TRMT11: variants seen among roughly 807,000 people sequenced by gnomAD.
TRMT11 encodes tRNA methyltransferase 11, also known as tRNA (guanine(10)-N(2))-methyltransferase TRMT11.
TRMT11 carries 53 observed loss-of-function variants against 62.8 expected under a neutral mutation model. The ratio of observed to expected loss-of-function variants is 0.84; its 90% CI spans 0.68 to 1.06. TRMT11 has a LOEUF of 1.06. Among genes scored for constraint, TRMT11 ranks in the 50% least tolerant of loss-of-function variants. TRMT11 has a pLI of 0.00. For missense variants in TRMT11, 556 were observed against 553.4 expected, an observed-to-expected ratio of 1.00 and a Z score of -0.05; for synonymous variants, 188 against 190.3, an observed-to-expected ratio of 0.99 and a Z score of 0.10.
intron 21 of TRMT11, among the ~76,000 whole-genome samples, chr6:126,164,600 A>G (rs1778236121): frequency 1.3e-5 from 2 of 152,142 alleles, no homozygotes; most frequent in South Asian, 4.1e-4. Context: ...CTATTATTGT[A>G]TGCGAGTTGA....
intron 17 of TRMT11, among the ~76,000 whole-genome samples, chr6:126,076,173 C>G (rs1448127571): frequency 6.6e-6 from 1 of 152,136 alleles, no homozygotes. Flanking sequence ...TGTCTTCTAT[C>G]TTTTCTAGTA....
chr6:126,208,584 A>G (rs1356378015), downstream of TRMT11, among the ~76,000 whole-genome samples: 1 of 152,250 alleles, frequency 6.6e-6, no homozygotes, highest in Non-Finnish European at 1.5e-5. Context: ...ACAAAAGGAT[A>G]GATGAAAGGA....
chr6:126,135,190 T>C (rs966723342), intron 21 of TRMT11, among the ~76,000 whole-genome samples: 13 of 151,210 alleles, frequency 8.6e-5, no homozygotes, highest in African/African-American at 3.2e-4. Context: ...ATACAAAATA[T>C]TAACAAAATT....
intron 12 of TRMT11, among the ~76,000 whole-genome samples, chr6:126,037,564 T>C (rs1412565680): frequency 6.6e-6 from 1 of 152,070 alleles, no homozygotes; most frequent in Non-Finnish European, 1.5e-5. Flanking sequence ...TAGCTACCTA[T>C]TTCTCTTTGA....
chr6:126,151,834 C>CTTTCTTTCTTTG (rs1562334763), intron 21 of TRMT11, among the ~76,000 whole-genome samples: 6 of 121,160 alleles, frequency 5.0e-5, no homozygotes, highest in African/African-American at 2.1e-4. Context: ...TTCTTTCTTT[C>CTTTCTTTCTTTG]TTTCTTTCTT....
At chr6:126,191,113 C>G (rs1778593841) in intron 1 of TRMT11, among the ~76,000 whole-genome samples, 2 of 151,772 alleles carry the variant, frequency 1.3e-5, no homozygotes, top group South Asian at 4.2e-4. Flanking sequence ...ATTTTTTTTG[C>G]CTTTTTGATA....
chr6:126,099,575 C>T (rs548902942), intron 17 of TRMT11, among the ~76,000 whole-genome samples: 1 of 152,216 alleles, frequency 6.6e-6, no homozygotes, highest in East Asian at 1.9e-4. Context: ...GGTGAAATCC[C>T]ATCTCTACTA....
intron 1 of TRMT11, among the ~76,000 whole-genome samples, chr6:126,195,090 T>G (rs1347340362): frequency 6.6e-6 from 1 of 152,204 alleles, no homozygotes; most frequent in African/African-American, 2.4e-5. Flanking sequence ...TATTCTAGCC[T>G]GGGAGGCAGA....
the TRMT11 span, chr6:126,258,178 G>A: frequency 2.8e-6 from 2 of 714,210 alleles, no homozygotes; most frequent in Non-Finnish European, 5.3e-6. Context: ...GTAGCTCCTT[G>A]TGGTAATACT....
At chr6:126,044,772 G>A (rs1036402462) in intron 16 of TRMT11, among the ~76,000 whole-genome samples, 38 of 152,116 alleles carry the variant, frequency 2.5e-4, no homozygotes, top group Admixed American at 2.2e-3. Context: ...AAAAGATTGG[G>A]TTCCCTAAGC....
chr6:126,057,432 G>A (rs893651572), intron 17 of TRMT11, among the ~76,000 whole-genome samples: 2 of 152,206 alleles, frequency 1.3e-5, no homozygotes, highest in Admixed American at 1.3e-4. Context: ...GATTGTATTA[G>A]CTGCCCTATT....
At chr6:126,250,044 A>G in the TRMT11 span, among the ~76,000 whole-genome samples, 1 of 152,092 alleles carries the variant, frequency 6.6e-6, no homozygotes, top group African/African-American at 2.4e-5. Context: ...ACTTTGTTAC[A>G]CTCTTCGTTA....
In TRMT11 at chr6:125,986,581, C is replaced by T. The variant is rs1562224191; in HGVS notation, c.31C>T (p.Leu11=). ...GCTGTCGTGTACCCTTAACAGGTAT[C>T]TGCTCCTCATGGCGCAGGAGCATCT... MALSCTLNRY[L]LLMAQEHLEF... is the part of the protein sequence containing the mutation. The change falls in exon 1 of 13, where the codon CTG becomes TTG. Residue 11 remains leucine, a synonymous_variant. Transcript: ENST00000334379. The T allele has an allele frequency of 6.3e-7, 1 of 1,591,186 alleles. No homozygotes were observed. The highest frequency in any genetic ancestry group is 1.8e-5 in the Admixed American group (1 of 56,286).
the TRMT11 span, among the ~76,000 whole-genome samples, chr6:126,226,420 T>C: frequency 1.3e-5 from 2 of 152,212 alleles, no homozygotes; most frequent in African/African-American, 4.8e-5. Context: ...ATGAATATTT[T>C]GTAAATATTA....
intron 21 of TRMT11, among the ~76,000 whole-genome samples, chr6:126,138,889 C>A (rs536324537): frequency 1.3e-5 from 2 of 151,826 alleles, no homozygotes; most frequent in East Asian, 3.9e-4. Context: ...AAATTATATA[C>A]CTAGATATGT....
intron 12 of TRMT11, among the ~76,000 whole-genome samples, chr6:126,029,213 T>G (rs2128032895): frequency 6.6e-6 from 1 of 152,320 alleles, no homozygotes. Flanking sequence ...CTTTCCACTT[T>G]ATGATCTTCT....
At chr6:126,265,571 CT>C in the TRMT11 span, among the ~76,000 whole-genome samples, 1 of 151,768 alleles carries the variant, frequency 6.6e-6, no homozygotes, top group South Asian at 2.1e-4. Flanking sequence ...TTCATGTAAA[CT>C]TTTACCATAT....
chr6:126,077,897 G>C (rs1032337272), intron 17 of TRMT11, among the ~76,000 whole-genome samples: 2 of 152,170 alleles, frequency 1.3e-5, no homozygotes, highest in African/African-American at 4.8e-5. Context: ...GTGAGAGTCA[G>C]AGATCCTTCT....
chr6:126,093,631 A>ATATATATATATATATTTTTT (rs1554236842), intron 17 of TRMT11, among the ~76,000 whole-genome samples: 1 of 98,016 alleles, frequency 1.0e-5, no homozygotes, highest in African/African-American at 4.4e-5. Flanking sequence ...ATATATATAT[A>ATATATATATATATATTTTTT]TTTTCCCCCA....
Sources: allele counts gnomAD v4.1 joint callset (sites outside exome capture counted in the v4.1 genomes callset), GRCh38; gene constraint gnomAD v4.1.1; transcripts MANE v1.5; gene names NCBI Gene and HGNC (gene_info 2026-07-23, HGNC 2026-07-21).